The following CHD6 variants were observed in gnomAD, a reference collection of about 807,000 sequenced individuals.
The protein encoded by CHD6 is ATP-dependent chromatin remodeler CHD6.
In CHD6, 50 loss-of-function variants were observed where a neutral mutation model predicts 276.9. The ratio of observed to expected loss-of-function variants is 0.18; its 90% CI spans 0.14 to 0.23. The LOEUF is 0.23. Among genes scored for constraint, CHD6 ranks in the 10% least tolerant of loss-of-function variants. The pLI is 1.00. For synonymous variants in CHD6, 1,173 were observed against 1,229.3 expected (o/e 0.95, Z 0.96); for missense variants, 2,564 against 3,365.8 (o/e 0.76, Z 5.89).
At chr20:41,417,623 T>C (rs909576852) in intron 31 of CHD6, among the ~76,000 whole-genome samples, 2 of 152,222 alleles carry the variant, frequency 1.3e-5, no homozygotes, top group Non-Finnish European at 1.5e-5. Flanking sequence ...AGGAAATTTT[T>C]CTTGTGTATC....
chr20:41,609,526 C>G (rs968083262), intron 1 of CHD6, among the ~76,000 whole-genome samples: 8 of 152,168 alleles, frequency 5.3e-5, no homozygotes, highest in Non-Finnish European at 1.2e-4. Context: ...CAAGGAGAGA[C>G]TATATAGCAT....
intron 27 of CHD6, among the ~76,000 whole-genome samples, chr20:41,426,825 T>TA (rs2047379305): frequency 6.6e-6 from 1 of 152,308 alleles, no homozygotes; most frequent in East Asian, 1.9e-4. Context: ...AATGGAACTT[T>TA]AAAAACTCCT....
At chr20:41,564,940 T>C (rs1480837725) in intron 1 of CHD6, among the ~76,000 whole-genome samples, 1 of 152,096 alleles carries the variant, frequency 6.6e-6, no homozygotes. Flanking sequence ...TTATCAAAGT[T>C]TGTTTGATGT....
At chr20:41,450,149 C>A (rs921922713) in intron 23 of CHD6, among the ~76,000 whole-genome samples, 3 of 152,098 alleles carry the variant, frequency 2.0e-5, no homozygotes, top group Non-Finnish European at 4.4e-5. Context: ...ACCCCACAAC[C>A]CAACAACTAC....
At chr20:41,497,993 C>A in intron 7 of CHD6, 175 bp downstream of exon 7, 1 of 575,226 alleles carries the variant, frequency 1.7e-6, no homozygotes, top group Non-Finnish European at 3.1e-6. Flanking sequence ...CCAGGTAATT[C>A]TGTGTGCAGC....
At chr20:41,523,582 G>A (rs148097732) in intron 3 of CHD6, among the ~76,000 whole-genome samples, 1 of 151,890 alleles carries the variant, frequency 6.6e-6, no homozygotes, top group East Asian at 1.9e-4. Context: ...GGCTTCATCA[G>A]CCAAGAAGAT....
rs762651945 is a variant in CHD6 at position 41,404,736 on chromosome 20, G to T, written c.8005C>A (p.Pro2669Thr). ...CTTTCACAGCTGGGAGCAGGCTCTG[G>T]GTGGGAGTTGGGGTTGTCCCCCTTT... ...KTKGDNPNSH[P>T]EPAPSCEREP... is the part of the protein sequence containing the mutation. The change falls in exon 37 of 37, where the codon CCA becomes ACA. Residue 2669 changes from proline to threonine, a missense_variant. Pro to Thr is a conservative substitution (Grantham distance 38). Around this residue, in one of 7 missense-constraint regions of CHD6, gnomAD observed 238 missense variants for 266.0 expected, o/e 0.89. Transcript: ENST00000373233. 3 of 1,604,328 alleles carry T rather than the reference G, an allele frequency of 1.9e-6. No individual in the cohort carries two copies. Among genetic ancestry groups the T allele is most frequent in the Non-Finnish European group, 2.6e-6 (3 of 1,174,890 alleles).
At chr20:41,510,514 T>G (rs1318056617) in intron 5 of CHD6, among the ~76,000 whole-genome samples, 1 of 152,224 alleles carries the variant, frequency 6.6e-6, no homozygotes, top group Non-Finnish European at 1.5e-5. Flanking sequence ...GGCCTCTCTC[T>G]TCCTTAAATT....
At chr20:41,475,099 G>A (rs1319154428) in intron 16 of CHD6, among the ~76,000 whole-genome samples, 1 of 152,190 alleles carries the variant, frequency 6.6e-6, no homozygotes, top group Non-Finnish European at 1.5e-5. Flanking sequence ...GAATTCTATA[G>A]ATTTAATTAT....
intron 1 of CHD6, among the ~76,000 whole-genome samples, chr20:41,577,540 G>A (rs1490000766): frequency 6.6e-6 from 1 of 152,160 alleles, no homozygotes; most frequent in African/African-American, 2.4e-5. Flanking sequence ...ACATTAAGAA[G>A]GACTTTCCAA....
In CHD6 at chr20:41,452,536, C is replaced by A. The variant is rs1177030314; in HGVS notation, c.3323+204G>T. 6.6e-6 allele frequency among the ~76,000 whole-genome samples: 1 copy of A among 152,174 alleles called. No homozygotes were observed. Among genetic ancestry groups the A allele is most frequent in the South Asian group, 2.1e-4 (1 of 4,828 alleles). The stretch of plus-strand genomic sequence containing the variant: ...TGACAGGCATATGAGAAAATCATGG[C>A]ATGTCTGCATTGTGGTTGCGGAGCA... On this transcript the variant is annotated intron_variant, in intron 21 of 36. Transcript: ENST00000373233. The surrounding 1 kb of genome is among the most constrained non-coding windows in gnomAD (Gnocchi z 4.2).
chr20:41,585,483 T>C (rs1181488062), intron 1 of CHD6, among the ~76,000 whole-genome samples: 1 of 138,852 alleles, frequency 7.2e-6, no homozygotes, highest in African/African-American at 2.7e-5. Context: ...ACTCCAGCCT[T>C]GGCAACAAGA....
At chr20:41,615,603 G>A (rs1272349717) in intron 1 of CHD6, among the ~76,000 whole-genome samples, 1 of 152,188 alleles carries the variant, frequency 6.6e-6, no homozygotes, top group Non-Finnish European at 1.5e-5. Context: ...GGGAAGGAGG[G>A]AAGTAGAGTG....
At position 41,556,301 on chromosome 20, in the gene CHD6, G is replaced by C. The variant is rs1252448148; in HGVS notation, c.-23-4941C>G. 3.9e-5 allele frequency among the ~76,000 whole-genome samples: 5 copies of C among 128,862 alleles called. No homozygotes were observed. The East Asian group carries it at 9.7e-4, about 25-fold the overall frequency. 84.5% of individuals were successfully genotyped at this position (128,862 alleles called of 152,430 possible). A position where few individuals can be genotyped will look rare whatever the true frequency, so the allele number is the denominator to read the frequency against. On this transcript the variant is annotated intron_variant, in intron 1 of 36. Coordinates refer to ENST00000373233, the MANE Select transcript of CHD6 (RefSeq NM_032221.5). Reference sequence around the variant, plus strand: ...ACGGGAGAGGGAGAGGGAGACCGTGGGGAGACGGGAGAGGGAGAGGGCACC... The same window carrying C: ...ACGGGAGAGGGAGAGGGAGACCGTGCGGAGACGGGAGAGGGAGAGGGCACC...
In CHD6 at chr20:41,536,837, T is replaced by C. The variant is rs111358420; in HGVS notation, c.34-3267A>G. Among the ~76,000 whole-genome samples the C allele has an allele frequency of 7.6e-3, 1,162 of 152,326 alleles. 18 individuals carry two copies. Among genetic ancestry groups the C allele is most frequent in the African/African-American group, 0.026 (1,100 of 41,582 alleles). Reference sequence around the variant, plus strand: ...CTATAAGCTGCTTCCAAGCTAGTACTGTTCTCTATCCAAGCTCCTGAGGAA... The same window carrying C: ...CTATAAGCTGCTTCCAAGCTAGTACCGTTCTCTATCCAAGCTCCTGAGGAA... On this transcript the variant is annotated intron_variant, in intron 2 of 36. Coordinates refer to ENST00000373233, the MANE Select transcript of CHD6 (RefSeq NM_032221.5).
At position 41,415,286 on chromosome 20, in the gene CHD6, TCTC is replaced by T; in HGVS notation, c.6836_6838del (p.Arg2279_Asp2280delinsAsn). ...TCTCCGCCTCCTCGTGGCTGCATCATCTCTTCTGAGGCTTCCATTGACAATCTG... is the reference window on the plus strand; with the variant it reads ...TCTCCGCCTCCTCGTGGCTGCATCATTTCTGAGGCTTCCATTGACAATCTG... On this transcript the variant is annotated inframe_deletion, in exon 34 of 37. Coordinates refer to ENST00000373233, the MANE Select transcript of CHD6 (RefSeq NM_032221.5). 6.2e-7 allele frequency: 1 copy of T among 1,614,156 alleles called. No homozygotes were observed. The highest frequency in any genetic ancestry group is 8.5e-7 in the Non-Finnish European group (1 of 1,180,020).
intron 1 of CHD6, among the ~76,000 whole-genome samples, chr20:41,585,100 T>C (rs956718225): frequency 7.2e-5 from 11 of 152,314 alleles, no homozygotes; most frequent in East Asian, 3.9e-4. Context: ...TCATGAGGTA[T>C]ACATTAAAGG....
At chr20:41,439,059 G>C (rs953534321) in intron 26 of CHD6, among the ~76,000 whole-genome samples, 2 of 149,948 alleles carry the variant, frequency 1.3e-5, no homozygotes, top group Non-Finnish European at 3.0e-5. Flanking sequence ...AATGCTAAGA[G>C]ATAAATGCTA....
At position 41,415,170 on chromosome 20, in the gene CHD6, T is replaced by C. The variant is rs375224024; in HGVS notation, c.6939+16A>G. 286 of 1,598,642 alleles carry C rather than the reference T, an allele frequency of 1.8e-4. No homozygotes were observed. The highest frequency in any genetic ancestry group is 2.3e-4 in the Non-Finnish European group (271 of 1,171,414). Reference sequence around the variant, plus strand: ...AGAAAGGTAAATGTTTTTAATCTAATGACCTCAATACCCACCAAGATTCCC... The same window carrying C: ...AGAAAGGTAAATGTTTTTAATCTAACGACCTCAATACCCACCAAGATTCCC... On this transcript the variant is annotated intron_variant, in intron 34 of 36. Transcript: ENST00000373233.
Sources: allele counts gnomAD v4.1 joint callset (sites outside exome capture counted in the v4.1 genomes callset), GRCh38; gene constraint gnomAD v4.1.1; regional missense constraint gnomAD v4.1.1; non-coding constraint Gnocchi (gnomAD v3.1); transcripts MANE v1.5; gene names NCBI Gene and HGNC (gene_info 2026-07-23, HGNC 2026-07-21).